CNTN4: variants seen among roughly 807,000 people sequenced by gnomAD.
The protein encoded by CNTN4 is contactin 4.
In CNTN4, 77 loss-of-function variants were observed where a neutral mutation model predicts 122.5. That is an observed-to-expected ratio of 0.63 (90% CI 0.52 to 0.76). The LOEUF is 0.76. Among genes scored for constraint, CNTN4 ranks in the 30% least tolerant of loss-of-function variants. The pLI is 0.00. For missense variants in CNTN4, 1,256 were observed against 1,259.1 expected, an observed-to-expected ratio of 1.00 and a Z score of 0.04; for synonymous variants, 512 against 447.0, an observed-to-expected ratio of 1.15 and a Z score of -1.83.
At chr3:2,608,189 C>T (rs1382866) in intron 4 of CNTN4, among the ~76,000 whole-genome samples, 2 of 152,010 alleles carry the variant, frequency 1.3e-5, no homozygotes, top group Non-Finnish European at 2.9e-5. Flanking sequence ...TTGTTAAATC[C>T]ACTCAGATAA....
intron 14 of CNTN4, among the ~76,000 whole-genome samples, chr3:2,994,435 G>A (rs1354409417): frequency 3.3e-5 from 5 of 151,832 alleles, no homozygotes; most frequent in African/African-American, 4.8e-5. Flanking sequence ...ACAGATACAC[G>A]TAACAAGAAA....
At chr3:2,573,640 A>G (rs191213536) in intron 4 of CNTN4, among the ~76,000 whole-genome samples, 2 of 152,344 alleles carry the variant, frequency 1.3e-5, no homozygotes, top group East Asian at 3.9e-4. Flanking sequence ...CAAGAAAGCC[A>G]CTACTCTCTT....
intron 2 of CNTN4, among the ~76,000 whole-genome samples, chr3:2,260,664 G>T (rs1034337112): frequency 1.3e-5 from 2 of 151,710 alleles, no homozygotes; most frequent in Non-Finnish European, 2.9e-5. Flanking sequence ...AATGTTGCCT[G>T]CTAATAGAAC....
At chr3:2,330,032 A>G (rs2043652241) in intron 2 of CNTN4, among the ~76,000 whole-genome samples, 1 of 152,016 alleles carries the variant, frequency 6.6e-6, no homozygotes, top group Admixed American at 6.5e-5. Flanking sequence ...AATGCCCCCT[A>G]CTTCAGATGC....
chr3:2,423,399 C>T (rs1314615150), intron 3 of CNTN4, among the ~76,000 whole-genome samples: 2 of 151,788 alleles, frequency 1.3e-5, no homozygotes, highest in African/African-American at 4.8e-5. Context: ...GTTTAATGAA[C>T]ATTGATCATG....
At chr3:2,922,389 C>T (rs1286683708) in intron 12 of CNTN4, among the ~76,000 whole-genome samples, 1 of 152,132 alleles carries the variant, frequency 6.6e-6, no homozygotes, top group East Asian at 1.9e-4. Context: ...GAAAAAGGAT[C>T]ATCCTACAAG....
chr3:2,414,465 A>G (rs1440836089), intron 3 of CNTN4, among the ~76,000 whole-genome samples: 1 of 152,212 alleles, frequency 6.6e-6, no homozygotes, highest in African/African-American at 2.4e-5. Flanking sequence ...ATAAATATGT[A>G]AAATGACTCT....
intron 2 of CNTN4, among the ~76,000 whole-genome samples, chr3:2,102,264 T>C (rs933151556): frequency 2.6e-5 from 4 of 152,222 alleles, no homozygotes; most frequent in Non-Finnish European, 5.9e-5. Context: ...TGAAGCAGAT[T>C]AACCTGAATC....
chr3:2,627,649 A>T (rs534021649), intron 4 of CNTN4, among the ~76,000 whole-genome samples: 3 of 151,848 alleles, frequency 2.0e-5, no homozygotes, highest in Non-Finnish European at 4.4e-5. Context: ...GCCCGCCACC[A>T]CGCCTGGCTA....
At chr3:2,466,970 C>CTTTTTTTTTTTTTTTT (rs60879017) in intron 3 of CNTN4, among the ~76,000 whole-genome samples, 218 of 115,748 alleles carry the variant, frequency 1.9e-3, no homozygotes, top group East Asian at 3.0e-3. Flanking sequence ...TTCTTTCTTT[C>CTTTTTTTTTTTTTTTT]TTTTTTTTTT....
intron 4 of CNTN4, among the ~76,000 whole-genome samples, chr3:2,715,469 C>A (rs1317013414): frequency 6.6e-6 from 1 of 152,136 alleles, no homozygotes; most frequent in Non-Finnish European, 1.5e-5. Flanking sequence ...GTTGTCTTAA[C>A]CCTTTATGTA....
chr3:2,567,081 ATT>A (rs373707875), intron 3 of CNTN4, among the ~76,000 whole-genome samples: 4 of 103,360 alleles, frequency 3.9e-5, no homozygotes, highest in African/African-American at 9.4e-5. Context: ...CAAGTCCAGA[ATT>A]TTTTTTTTTT....
At chr3:3,055,396 T>C (rs1701691915) in intron 24 of CNTN4, among the ~76,000 whole-genome samples, 1 of 152,240 alleles carries the variant, frequency 6.6e-6, no homozygotes, top group South Asian at 2.1e-4. Context: ...TATATTGGTG[T>C]AATTATTAGA....
At chr3:2,151,410 C>G (rs2035489718) in intron 2 of CNTN4, among the ~76,000 whole-genome samples, 1 of 152,202 alleles carries the variant, frequency 6.6e-6, no homozygotes, top group African/African-American at 2.4e-5. Flanking sequence ...GAAGGAACAG[C>G]ATGGGCCAGG....
intron 2 of CNTN4, among the ~76,000 whole-genome samples, chr3:2,308,137 C>T (rs548420623): frequency 1.2e-3 from 189 of 152,076 alleles, no homozygotes; most frequent in African/African-American, 4.3e-3. Context: ...TAGTTTTTGT[C>T]TTTCTAGGAA....
chr3:2,126,311 C>G (rs962312436), intron 2 of CNTN4, among the ~76,000 whole-genome samples: 5 of 152,104 alleles, frequency 3.3e-5, no homozygotes, highest in Non-Finnish European at 1.5e-5. Flanking sequence ...TCTATCTTGT[C>G]TCTGCGCCCA....
At chr3:2,711,973 T>A (rs538653843) in intron 4 of CNTN4, among the ~76,000 whole-genome samples, 3 of 152,310 alleles carry the variant, frequency 2.0e-5, no homozygotes, top group Admixed American at 6.5e-5. Flanking sequence ...TAAGACTTTT[T>A]AAAAAATGTT....
At chr3:2,327,010 A>T (rs971632752) in intron 2 of CNTN4, among the ~76,000 whole-genome samples, 1 of 152,194 alleles carries the variant, frequency 6.6e-6, no homozygotes, top group Non-Finnish European at 1.5e-5. Flanking sequence ...TAGGAAAGAT[A>T]ATTTTCAAAG....
chr3:2,544,533 C>T (rs1268632947), intron 3 of CNTN4, among the ~76,000 whole-genome samples: 1 of 152,084 alleles, frequency 6.6e-6, no homozygotes, highest in Non-Finnish European at 1.5e-5. Flanking sequence ...TTTCTGTCCT[C>T]AAGAAACTTA....
Sources: allele counts gnomAD v4.1 joint callset (sites outside exome capture counted in the v4.1 genomes callset), GRCh38; gene constraint gnomAD v4.1.1; transcripts MANE v1.5; gene names NCBI Gene and HGNC (gene_info 2026-07-23, HGNC 2026-07-21).